Variants in LNPK observed in about 807,000 individuals in gnomAD.
LNPK encodes endoplasmic reticulum junction formation protein lunapark.
Under a neutral mutation model 55.2 loss-of-function variants are expected in LNPK, and 29 were observed. The observed-to-expected ratio is 0.53, with a 90% CI of 0.39 to 0.72. The LOEUF is 0.72. LNPK is among the 30% of genes least tolerant of loss of function. The pLI, the probability that LNPK is intolerant of heterozygous loss-of-function variation, is 0.00. For synonymous variants in LNPK, 162 were observed against 168.2 expected, an observed-to-expected ratio of 0.96 and a Z score of 0.29; for missense variants, 467 against 494.8, an observed-to-expected ratio of 0.94 and a Z score of 0.53.
Position 175,937,767 on chromosome 2 carries a change from A to T in LNPK, c.884-253T>A, listed in dbSNP as rs1437402628. 1.8e-4 allele frequency: 57 copies of T among 308,430 alleles called. 1 individual carries two copies. The Admixed American group carries it at 2.6e-3, about 14-fold the overall frequency. The allele number at this position is 308,430 out of a possible 1,614,324, so 19.1% of individuals were successfully genotyped here. On this transcript the variant is annotated intron_variant, in intron 11 of 12. Coordinates refer to ENST00000272748, the MANE Select transcript of LNPK (RefSeq NM_030650.3). ...GGTTACATAGCAGGCTAACTATGTA[A>T]TAAGTTACACAGCAGGTTGACAGCA...
At chr2:175,966,711 G>A (rs1686374357) in intron 6 of LNPK, among the ~76,000 whole-genome samples, 1 of 152,222 alleles carries the variant, frequency 6.6e-6, no homozygotes, top group South Asian at 2.1e-4. Flanking sequence ...GTAATAATAT[G>A]TTTTAAATAC....
At position 175,942,451 on chromosome 2, in the gene LNPK, C is replaced by T. The variant is rs116767410; in HGVS notation, c.707-2794G>A. Reference sequence around the variant, plus strand: ...GCATTCTCAGACATAAAACAAGTATCAATACACATAAGAAGATTCACGTAA... The same window carrying T: ...GCATTCTCAGACATAAAACAAGTATTAATACACATAAGAAGATTCACGTAA... On this transcript the variant is annotated intron_variant, in intron 9 of 12. Coordinates refer to ENST00000272748, the MANE Select transcript of LNPK (RefSeq NM_030650.3). 5.6e-3 allele frequency among the ~76,000 whole-genome samples: 857 copies of T among 152,056 alleles called. 9 individuals are homozygous for T. Among genetic ancestry groups the T allele is most frequent in the African/African-American group, 0.019 (806 of 41,474 alleles).
chr2:175,997,705 C>CTCTGTGTGTG (rs3223611), intron 1 of LNPK, among the ~76,000 whole-genome samples: 1 of 144,028 alleles, frequency 6.9e-6, no homozygotes, highest in African/African-American at 2.6e-5. Flanking sequence ...AACAAATGCT[C>CTCTGTGTGTG]TGTGTGTGTG....
intron 2 of LNPK, among the ~76,000 whole-genome samples, chr2:175,994,914 A>AT (rs35432943): frequency 0.012 from 1,063 of 88,434 alleles, 25 homozygotes; most frequent in South Asian, 0.069. Context: ...CTTGTATAGA[A>AT]TTTTTTTTTT....
chr2:175,984,976 A>G (rs982446208), intron 4 of LNPK, among the ~76,000 whole-genome samples: 5 of 152,246 alleles, frequency 3.3e-5, no homozygotes, highest in Non-Finnish European at 5.9e-5. Flanking sequence ...TCAGCTGGTG[A>G]ATAGTTAAAC....
Position 175,993,170 on chromosome 2 carries a change from C to A in LNPK, c.69+12G>T, listed in dbSNP as rs778102434. On this transcript the variant is annotated intron_variant, in intron 3 of 12. Coordinates refer to ENST00000272748, the MANE Select transcript of LNPK (RefSeq NM_030650.3). ...AAAATGAATTAAAATACCTCACAGC[C>A]AAAGAACATACCTTATCTATACTTT... 6.6e-7 allele frequency: 1 copy of A among 1,507,544 alleles called. No homozygotes were observed. 93.4% of individuals were successfully genotyped at this position (1,507,544 alleles called of 1,614,324 possible). A position where few individuals can be genotyped will look rare whatever the true frequency, so the allele number is the denominator to read the frequency against.
chr2:175,925,099 C>T lies in LNPK; in HGVS notation c.*4868G>A, dbSNP rs558221603. Reference sequence around the variant, plus strand: ...TCATTTAGGATTTTCGGAAACTCAGCATACTATATTTTATGAAAATCATCA... The same window carrying T: ...TCATTTAGGATTTTCGGAAACTCAGTATACTATATTTTATGAAAATCATCA... On this transcript the variant is annotated 3_prime_UTR_variant, in exon 13 of 13. Coordinates refer to ENST00000272748, the MANE Select transcript of LNPK (RefSeq NM_030650.3). The T allele has an allele frequency of 2.6e-5, 4 of 152,244 alleles. No homozygotes were observed. In the South Asian group the frequency reaches 8.3e-4, roughly 32 times the overall value. The allele number at this position is 152,244 out of a possible 1,614,324, so 9.4% of individuals were successfully genotyped here. A position where few individuals can be genotyped will look rare whatever the true frequency, so the allele number is the denominator to read the frequency against.
intron 10 of LNPK, 40 bp downstream of exon 10, chr2:175,939,512 G>T: frequency 8.8e-7 from 1 of 1,134,798 alleles, no homozygotes; most frequent in Non-Finnish European, 1.3e-6. Context: ...CACACATCCT[G>T]TTTTCATTTT....
chr2:175,977,065 T>G (rs1182521615), intron 5 of LNPK, among the ~76,000 whole-genome samples: 1 of 152,188 alleles, frequency 6.6e-6, no homozygotes, highest in African/African-American at 2.4e-5. Context: ...AATTCTCTTT[T>G]GGCCATGTTA....
intron 8 of LNPK, among the ~76,000 whole-genome samples, chr2:175,951,249 AG>A (rs1340166281): frequency 1.3e-5 from 2 of 152,000 alleles, no homozygotes; most frequent in Admixed American, 1.3e-4. Context: ...TAGGTTACTG[AG>A]GAACAGGTGG....
chr2:175,989,679 T>C (rs1475434236), intron 4 of LNPK, among the ~76,000 whole-genome samples: 1 of 152,178 alleles, frequency 6.6e-6, no homozygotes, highest in Admixed American at 6.5e-5. Flanking sequence ...GTGTGTAGCC[T>C]TAATGACTCC....
intron 4 of LNPK, among the ~76,000 whole-genome samples, chr2:175,986,007 A>T (rs1401806270): frequency 6.6e-6 from 1 of 152,184 alleles, no homozygotes; most frequent in Non-Finnish European, 1.5e-5. Context: ...AATTTTTTCA[A>T]AATTAAAAAT....
rs1685432997 is a variant in LNPK, at chr2:175,951,788, T to C, written c.494-4096A>G. ...GCTGGATCAAATGGTAGTTCTACTTTTATTTTTTAAGGAAATCTCCATACT... is the reference window on the plus strand; with the variant it reads ...GCTGGATCAAATGGTAGTTCTACTTCTATTTTTTAAGGAAATCTCCATACT... On this transcript the variant is annotated intron_variant, in intron 8 of 12. Transcript: ENST00000272748. Among the ~76,000 whole-genome samples, 5 of 151,840 alleles carry C rather than the reference T, an allele frequency of 3.3e-5. No individual in the cohort carries two copies. The South Asian group carries it at 6.2e-4, about 19-fold the overall frequency.
At chr2:175,937,829 A>G (rs1189904183) in intron 11 of LNPK, 1 of 202,296 alleles carries the variant, frequency 4.9e-6, no homozygotes, top group East Asian at 1.2e-4. Context: ...TAGTGAGATT[A>G]CATTTCTAGT....
chr2:175,996,815 C>T lies in LNPK; in HGVS notation c.-62-1169G>A, dbSNP rs763020676. The stretch of plus-strand genomic sequence containing the variant: ...ACTCTCGAATGTTTTATAATAGACT[C>T]AACAATATTATATTCTAAATCAACT... On this transcript the variant is annotated intron_variant, in intron 1 of 12. Coordinates refer to ENST00000272748, the MANE Select transcript of LNPK (RefSeq NM_030650.3). Among the ~76,000 whole-genome samples the T allele has an allele frequency of 4.8e-4, 73 of 152,138 alleles. 1 individual carries two copies. The highest frequency in any genetic ancestry group is 3.3e-4 in the Admixed American group (5 of 15,268).
chr2:175,966,568 T>C (rs1686364418), intron 6 of LNPK, among the ~76,000 whole-genome samples: 1 of 152,224 alleles, frequency 6.6e-6, no homozygotes, highest in Non-Finnish European at 1.5e-5. Context: ...TGTATCTATG[T>C]TTTTATTTAT....
intron 8 of LNPK, among the ~76,000 whole-genome samples, chr2:175,963,990 T>C (rs1686203635): frequency 6.6e-6 from 1 of 152,034 alleles, no homozygotes; most frequent in African/African-American, 2.4e-5. Flanking sequence ...AAACAAAATT[T>C]CACAGAAATC....
intron 1 of LNPK, among the ~76,000 whole-genome samples, chr2:175,997,647 C>T (rs1262006752): frequency 6.6e-6 from 1 of 151,466 alleles, no homozygotes; most frequent in South Asian, 2.1e-4. Flanking sequence ...ATGGCACCAA[C>T]AATATCAGTT....
At chr2:175,938,836 T>C (rs1684675110) in intron 10 of LNPK, 1 of 152,416 alleles carries the variant, frequency 6.6e-6, no homozygotes, top group Non-Finnish European at 1.5e-5. Flanking sequence ...TAATTTTGTT[T>C]AGTACAACCC....
Sources: allele counts gnomAD v4.1 joint callset (sites outside exome capture counted in the v4.1 genomes callset), GRCh38; gene constraint gnomAD v4.1.1; transcripts MANE v1.5; gene names NCBI Gene and HGNC (gene_info 2026-07-23, HGNC 2026-07-21).